The following WASHC4 variants were observed in gnomAD, a reference collection of about 807,000 sequenced individuals.
The protein encoded by WASHC4 is WASH complex subunit 7.
WASHC4 carries 86 observed loss-of-function variants against 166.6 expected under a neutral mutation model. The ratio of observed to expected loss-of-function variants is 0.52; its 90% CI spans 0.43 to 0.62. The LOEUF is 0.62. WASHC4 is among the 20% of genes least tolerant of loss of function. The probability of loss-of-function intolerance (pLI) is 0.00; values close to 1 mark genes in which losing one functional copy is unlikely to be tolerated. For missense variants in WASHC4, 1,262 were observed against 1,382.4 expected, an observed-to-expected ratio of 0.91 and a Z score of 1.38; for synonymous variants, 446 against 451.6, an observed-to-expected ratio of 0.99 and a Z score of 0.16.
chr12:105,151,699 C>T (rs1435821286), intron 25 of WASHC4, among the ~76,000 whole-genome samples: 2 of 152,190 alleles, frequency 1.3e-5, no homozygotes, highest in Admixed American at 6.5e-5. Context: ...TCAGACTGGT[C>T]TTGGACTCCT....
chr12:105,111,438 G>GTGTGTGT (rs1393513119), intron 2 of WASHC4, among the ~76,000 whole-genome samples, 174 bp downstream of exon 2: 1 of 152,090 alleles, frequency 6.6e-6, no homozygotes, highest in African/African-American at 2.4e-5. Context: ...TTTTTTAAAT[G>GTGTGTGT]TGTGTGTTTT....
At position 105,136,139 on chromosome 12, in the gene WASHC4, C is replaced by CT. The variant is rs752079793; in HGVS notation, c.1327-1741dup. 2.6e-5 allele frequency among the ~76,000 whole-genome samples: 4 copies of CT among 152,218 alleles called. No homozygotes were observed. The East Asian group carries it at 7.7e-4, about 29-fold the overall frequency. ...GTGATGGTTGTTTAATTCACCCTTACTTTTTTGGGGGGTTATCCTTCAGGA... is the reference window on the plus strand; with the variant it reads ...GTGATGGTTGTTTAATTCACCCTTACTTTTTTTGGGGGGTTATCCTTCAGGA... On this transcript the variant is annotated intron_variant, in intron 14 of 32. Transcript: ENST00000332180.
intron 1 of WASHC4, 140 bp from the exon 2 acceptor site, chr12:105,110,985 G>T (rs1879632024): frequency 1.5e-6 from 1 of 664,670 alleles, no homozygotes; most frequent in Admixed American, 2.5e-5. Context: ...GTTTAACTTT[G>T]GAACTTTATT....
In WASHC4 at chr12:105,107,765, C is replaced by CT; in HGVS notation, c.-35dup. 3 of 1,508,764 alleles carry CT rather than the reference C, an allele frequency of 2.0e-6. No homozygotes were observed. The highest frequency in any genetic ancestry group is 2.7e-6 in the Non-Finnish European group (3 of 1,110,512). The allele number at this position is 1,508,764 out of a possible 1,614,324, so 93.5% of individuals were successfully genotyped here. Reference sequence around the variant, plus strand: ...GGTGAGGCCGTCGTCGCCGCACGGGCTGGTTGGGGCTGTGTCTGTGGGAGG... The same window carrying CT: ...GGTGAGGCCGTCGTCGCCGCACGGGCTTGGTTGGGGCTGTGTCTGTGGGAGG... On this transcript the variant is annotated 5_prime_UTR_variant, in exon 1 of 33. Coordinates refer to ENST00000332180, the MANE Select transcript of WASHC4 (RefSeq NM_015275.3).
chr12:105,162,631 A>G, intron 29 of WASHC4, 118 bp from the exon 30 acceptor site: 1 of 421,944 alleles, frequency 2.4e-6, no homozygotes, highest in Non-Finnish European at 4.3e-6. Flanking sequence ...AGGAATCTAG[A>G]TTCTATTCTA....
intron 5 of WASHC4, 47 bp downstream of exon 5, chr12:105,115,276 A>G: frequency 8.7e-7 from 1 of 1,147,146 alleles, no homozygotes; most frequent in Non-Finnish European, 1.3e-6. Flanking sequence ...TATTGAAATG[A>G]ACAAAAAGTT....
At chr12:105,145,833 G>A (rs935993966) in intron 22 of WASHC4, among the ~76,000 whole-genome samples, 1 of 151,982 alleles carries the variant, frequency 6.6e-6, no homozygotes, top group Non-Finnish European at 1.5e-5. Flanking sequence ...AAAGAATGAA[G>A]GATTCTTAAT....
In WASHC4 at chr12:105,115,151, T is replaced by G. The variant is rs1445032571; in HGVS notation, c.322-33T>G. ...TAGGAATTTGGAAACAAAACAACCT[T>G]TAAAATTATTTTAATTTTTTTCTTA... On this transcript the variant is annotated intron_variant, in intron 4 of 32. Transcript: ENST00000332180. 4 of 1,201,346 alleles carry G rather than the reference T, an allele frequency of 3.3e-6. No individual in the cohort carries two copies. The South Asian group carries it at 3.7e-5, about 11-fold the overall frequency. 74.4% of individuals were successfully genotyped at this position (1,201,346 alleles called of 1,614,324 possible). A position where few individuals can be genotyped will look rare whatever the true frequency, so the allele number is the denominator to read the frequency against.
chr12:105,159,731 G>C (rs548950941), intron 28 of WASHC4, among the ~76,000 whole-genome samples: 2 of 152,266 alleles, frequency 1.3e-5, no homozygotes, highest in East Asian at 1.9e-4. Flanking sequence ...GAGTTCTACA[G>C]GCCTCACTGT....
chr12:105,158,902 T>A (rs1566029472), intron 28 of WASHC4, among the ~76,000 whole-genome samples: 1 of 152,204 alleles, frequency 6.6e-6, no homozygotes, highest in Non-Finnish European at 1.5e-5. Flanking sequence ...ATACGGGTGT[T>A]CATTATACTA....
At chr12:105,135,867 G>A (rs1882271865) in intron 14 of WASHC4, among the ~76,000 whole-genome samples, 1 of 152,004 alleles carries the variant, frequency 6.6e-6, no homozygotes, top group African/African-American at 2.4e-5. Context: ...TGTCTTATCT[G>A]TTGTTTCTCT....
chr12:105,157,335 T>A lies in WASHC4; in HGVS notation c.2912+13T>A. 1 of 1,435,846 alleles carries A rather than the reference T, an allele frequency of 7.0e-7. No individual in the cohort carries two copies. Among genetic ancestry groups the A allele is most frequent in the East Asian group, 2.3e-5 (1 of 43,828 alleles). 88.9% of individuals were successfully genotyped at this position (1,435,846 alleles called of 1,614,324 possible). A position where few individuals can be genotyped will look rare whatever the true frequency, so the allele number is the denominator to read the frequency against. On this transcript the variant is annotated intron_variant, in intron 28 of 32. Transcript: ENST00000332180. ...TAAAAGCAGCAAGGTAATCTAAATTTGGAAATATAAAAAAGTGTGTTTATA... is the reference window on the plus strand; with the variant it reads ...TAAAAGCAGCAAGGTAATCTAAATTAGGAAATATAAAAAAGTGTGTTTATA...
intron 16 of WASHC4, 30 bp downstream of exon 16, chr12:105,140,431 G>C (rs764837704): frequency 1.4e-6 from 2 of 1,445,530 alleles, no homozygotes; most frequent in Non-Finnish European, 1.9e-6. Context: ...TTTAGCATAA[G>C]TATGTTATCT....
At chr12:105,138,815 T>G (rs1006048027) in intron 15 of WASHC4, among the ~76,000 whole-genome samples, 1 of 152,194 alleles carries the variant, frequency 6.6e-6, no homozygotes, top group African/African-American at 2.4e-5. Context: ...TATGTGTATG[T>G]TAGAATATGT....
intron 14 of WASHC4, among the ~76,000 whole-genome samples, chr12:105,134,735 TC>T (rs1348252342): frequency 2.0e-5 from 3 of 151,966 alleles, no homozygotes; most frequent in Admixed American, 2.0e-4. Flanking sequence ...ATGTGTGTCT[TC>T]CGTAAGTAAC....
intron 2 of WASHC4, among the ~76,000 whole-genome samples, chr12:105,112,688 C>T (rs1266366284): frequency 1.3e-5 from 2 of 152,086 alleles, no homozygotes; most frequent in Non-Finnish European, 2.9e-5. Context: ...TGCTTATGGC[C>T]ATGTGTCTGT....
At position 105,128,809 on chromosome 12, in the gene WASHC4, C is replaced by T. The variant is rs376972621; in HGVS notation, c.1199+1520C>T. On this transcript the variant is annotated intron_variant, in intron 13 of 32. Transcript: ENST00000332180. ...TGATTTTTTTTTAGAGACCGAGTCT[C>T]GCTCTGTTGCCCAGGCTGGAGTGCA... is the stretch of plus-strand genomic sequence containing the variant. Among the ~76,000 whole-genome samples, 20 of 151,622 alleles carry T rather than the reference C, an allele frequency of 1.3e-4. No individual in the cohort carries two copies. In the East Asian group the frequency reaches 3.5e-3, roughly 26 times the overall value.
At position 105,134,398 on chromosome 12, in the gene WASHC4, C is replaced by G. The variant is rs1450167521; in HGVS notation, c.1326+502C>G. Among the ~76,000 whole-genome samples, 3 of 152,056 alleles carry G rather than the reference C, an allele frequency of 2.0e-5. No homozygotes were observed. The South Asian group carries it at 6.2e-4, about 31-fold the overall frequency. On this transcript the variant is annotated intron_variant, in intron 14 of 32. Coordinates refer to ENST00000332180, the MANE Select transcript of WASHC4 (RefSeq NM_015275.3). ...TTTTGTATATGACAAGAGGGTCATA[C>G]TGATTAATGATATTGTCTGGGTATT...
intron 2 of WASHC4, among the ~76,000 whole-genome samples, chr12:105,113,588 T>C (rs1879893301): frequency 6.6e-6 from 1 of 152,048 alleles, no homozygotes; most frequent in African/African-American, 2.4e-5. Context: ...AAACAAAAAT[T>C]ACAACCTAAT....
Sources: gnomAD v4.1 joint callset for allele counts (sites outside exome capture counted in the v4.1 genomes callset) on GRCh38, gnomAD v4.1.1 for gene constraint, MANE v1.5 for transcripts, NCBI Gene and HGNC (gene_info 2026-07-23, HGNC 2026-07-21) for gene names.